The following ZNF605 variants were observed in gnomAD, a reference collection of about 807,000 sequenced individuals.
ZNF605 encodes the protein zinc finger protein 605.
A neutral mutation model predicts 7.9 loss-of-function variants in ZNF605; 9 were observed. The observed-to-expected ratio is 1.14, with a 90% CI of 0.68 to 1.98. The LOEUF (loss-of-function observed/expected upper bound fraction) is 1.98. Among genes scored for constraint, ZNF605 ranks in the 30% most tolerant of loss-of-function variants. ZNF605 has a pLI of 0.00. For missense variants in ZNF605, 673 were observed against 762.4 expected (o/e 0.88, Z 1.38); for synonymous variants, 255 against 260.1 (o/e 0.98, Z 0.19).
chr12:132,949,201 G>A (rs1952531575), intron 1 of ZNF605, among the ~76,000 whole-genome samples: 1 of 152,296 alleles, frequency 6.6e-6, no homozygotes, highest in South Asian at 2.1e-4. Flanking sequence ...ACACTCCTTT[G>A]AAGCACTGGA....
At chr12:132,939,097 G>A (rs1030310794) in intron 3 of ZNF605, among the ~76,000 whole-genome samples, 78 of 151,932 alleles carry the variant, frequency 5.1e-4, no homozygotes, top group African/African-American at 1.5e-3. Flanking sequence ...CCTGCTCCAC[G>A]GCGCCCAGTC....
intron 1 of ZNF605, among the ~76,000 whole-genome samples, chr12:132,951,629 C>T (rs1054733480): frequency 3.5e-4 from 44 of 124,502 alleles, no homozygotes; most frequent in Admixed American, 1.2e-3. Flanking sequence ...ATCACAGACA[C>T]GTACAGATAC....
chr12:132,926,734 T>C lies in ZNF605; in HGVS notation c.565A>G (p.Arg189Gly). ...NKKSQLVIHQRTHTGEKPYQC... is the reference protein window; with the variant it reads ...NKKSQLVIHQGTHTGEKPYQC... ...TAGGGCTTCTCTCCTGTATGAGTTC[T>C]CTGGTGTATAACAAGTTGTGACTTC... The change falls in exon 5 of 5, where the codon AGA becomes GGA. Residue 189 changes from arginine (R) to glycine (G), a missense_variant. Arg to Gly is a moderately radical substitution (Grantham distance 125). Transcript: ENST00000360187. The C allele has an allele frequency of 6.2e-7, 1 of 1,614,154 alleles. No individual in the cohort carries two copies.
intron 1 of ZNF605, among the ~76,000 whole-genome samples, chr12:132,950,429 G>A (rs1418094224): frequency 6.6e-5 from 10 of 151,200 alleles, no homozygotes; most frequent in Admixed American, 5.9e-4. Context: ...GTACAGACAC[G>A]CACATACGTG....
At position 132,925,139 on chromosome 12, in the gene ZNF605, A is replaced by G. The variant is rs1952233672; in HGVS notation, c.*234T>C. The G allele has an allele frequency of 2.4e-6, 1 of 410,304 alleles. No individual in the cohort carries two copies. The highest frequency in any genetic ancestry group is 7.3e-5 in the South Asian group (1 of 13,668). The allele number at this position is 410,304 out of a possible 1,614,324, so 25.4% of individuals were successfully genotyped here. A position where few individuals can be genotyped will look rare whatever the true frequency, so the allele number is the denominator to read the frequency against. ...CAACACTAATAAGGTTTTCACCTCA[A>G]TGAGTCATCCAATATGTAACGAGTA... On this transcript the variant is annotated 3_prime_UTR_variant, in exon 5 of 5. Transcript: ENST00000360187.
At chr12:132,935,316 C>T (rs1027290859) in intron 3 of ZNF605, among the ~76,000 whole-genome samples, 2 of 152,162 alleles carry the variant, frequency 1.3e-5, no homozygotes, top group African/African-American at 4.8e-5. Context: ...AAATCAATTT[C>T]TTGCCTCAAA....
chr12:132,955,243 A>G (rs2137173991), intron 1 of ZNF605, among the ~76,000 whole-genome samples: 1 of 152,286 alleles, frequency 6.6e-6, no homozygotes, highest in South Asian at 2.1e-4. Context: ...CAAGGTTAGC[A>G]AAGACCAGGC....
Position 132,945,811 on chromosome 12 carries a change from G to T in ZNF605, c.-162-14C>A. ...GAGGGCTATTGCCTGTGGATGCAGT[G>T]GACATTTTATTTTAGATGATCTAAT... On this transcript the variant is annotated splice_polypyrimidine_tract_variant and intron_variant, in intron 2 of 4. Coordinates refer to ENST00000360187, the MANE Select transcript of ZNF605 (RefSeq NM_183238.4). The T allele has an allele frequency of 1.2e-6, 1 of 849,786 alleles. No homozygotes were observed. Among genetic ancestry groups the T allele is most frequent in the Non-Finnish European group, 1.9e-6 (1 of 517,156 alleles). The allele number at this position is 849,786 out of a possible 1,614,324, so 52.6% of individuals were successfully genotyped here.
chr12:132,950,741 T>G (rs1034588614), intron 1 of ZNF605, among the ~76,000 whole-genome samples: 22 of 151,354 alleles, frequency 1.5e-4, no homozygotes, highest in African/African-American at 5.1e-4. Context: ...CACAGACATG[T>G]ACAGACATAC....
chr12:132,952,009 C>A (rs1328333526), intron 1 of ZNF605, among the ~76,000 whole-genome samples: 1 of 151,994 alleles, frequency 6.6e-6, no homozygotes, highest in Non-Finnish European at 1.5e-5. Flanking sequence ...CTCATTTACT[C>A]GCTACGAAAG....
chr12:132,925,476 T>C lies in ZNF605; in HGVS notation c.1823A>G (p.Gln608Arg). The change falls in exon 5 of 5, where the codon CAG becomes CGG. Residue 608 changes from glutamine to arginine, a missense_variant. Coordinates refer to ENST00000360187, the MANE Select transcript of ZNF605 (RefSeq NM_183238.4). ...FTRKSHLMRH[Q>R]RIHTGDKYYG... ...GTATTTATCTCCTGTATGAATCCTCTGATGCCTCATAAGGTGTGACTTTCT... is the reference window on the plus strand; with the variant it reads ...GTATTTATCTCCTGTATGAATCCTCCGATGCCTCATAAGGTGTGACTTTCT... 6.2e-7 allele frequency: 1 copy of C among 1,614,228 alleles called. No homozygotes were observed. The highest frequency in any genetic ancestry group is 1.1e-5 in the South Asian group (1 of 91,088).
intron 4 of ZNF605, among the ~76,000 whole-genome samples, chr12:132,932,268 G>A (rs1481321699): frequency 3.3e-5 from 5 of 152,050 alleles, no homozygotes; most frequent in Non-Finnish European, 7.4e-5. Context: ...TTTTCACTCT[G>A]TATCAGTGGG....
In ZNF605 at chr12:132,920,813, G is replaced by A. The variant is rs1291506200; in HGVS notation, c.*4560C>T. 1 of 152,168 alleles carries A rather than the reference G, an allele frequency of 6.6e-6. No homozygotes were observed. Among genetic ancestry groups the A allele is most frequent in the Non-Finnish European group, 1.5e-5 (1 of 68,086 alleles). 9.4% of individuals were successfully genotyped at this position (152,168 alleles called of 1,614,324 possible). A position where few individuals can be genotyped will look rare whatever the true frequency, so the allele number is the denominator to read the frequency against. ...AGCTTCCCAAGTAGCTGGGATTACA[G>A]ACATGCACCATCATGGCTAACTTTT... is the stretch of plus-strand genomic sequence containing the variant. On this transcript the variant is annotated 3_prime_UTR_variant, in exon 5 of 5. Transcript: ENST00000360187.
chr12:132,939,443 C>T (rs1593592172), intron 3 of ZNF605, among the ~76,000 whole-genome samples: 4 of 152,292 alleles, frequency 2.6e-5, no homozygotes, highest in African/African-American at 9.6e-5. Flanking sequence ...AATCAGCACC[C>T]TGTGTTTTGC....
chr12:132,945,945 G>T, intron 2 of ZNF605, 148 bp from the exon 3 acceptor site: 1 of 576,044 alleles, frequency 1.7e-6, no homozygotes, highest in Non-Finnish European at 3.1e-6. Flanking sequence ...GCGGGAAGCA[G>T]GGTGGAATGT....
In ZNF605 at chr12:132,925,241, CTT is replaced by C. The variant is rs3052642; in HGVS notation, c.*130_*131del. The C allele has an allele frequency of 0.2, 132,092 of 649,594 alleles. 13,938 individuals are homozygous for C. Among genetic ancestry groups the C allele is most frequent in the Middle Eastern group, 0.28 (1,066 of 3,860 alleles). The allele number at this position is 649,594 out of a possible 1,614,324, so 40.2% of individuals were successfully genotyped here. On this transcript the variant is annotated 3_prime_UTR_variant, in exon 5 of 5. Coordinates refer to ENST00000360187, the MANE Select transcript of ZNF605 (RefSeq NM_183238.4). ...TCTTTCTAAATTCTGCTTAGTGACTCTTGACTCCTCAATTCAAGCTTTTTCAA... is the reference window on the plus strand; with the variant it reads ...TCTTTCTAAATTCTGCTTAGTGACTCGACTCCTCAATTCAAGCTTTTTCAA...
At chr12:132,949,020 G>A (rs1346680068) in intron 1 of ZNF605, among the ~76,000 whole-genome samples, 1 of 152,004 alleles carries the variant, frequency 6.6e-6, no homozygotes, top group African/African-American at 2.4e-5. Flanking sequence ...GGTATCTGTT[G>A]GGGGAAAGGC....
chr12:132,925,277 G>T lies in ZNF605; in HGVS notation c.*96C>A. Reference sequence around the variant, plus strand: ...AATTCAAGCTTTTTCAACAGTCACTGCCTCAATAGGGTTTCTCTCCCACAT... The same window carrying T: ...AATTCAAGCTTTTTCAACAGTCACTTCCTCAATAGGGTTTCTCTCCCACAT... On this transcript the variant is annotated 3_prime_UTR_variant, in exon 5 of 5. Coordinates refer to ENST00000360187, the MANE Select transcript of ZNF605 (RefSeq NM_183238.4). 1.2e-6 allele frequency: 1 copy of T among 865,480 alleles called. No individual in the cohort carries two copies. Among genetic ancestry groups the T allele is most frequent in the Non-Finnish European group, 1.7e-6 (1 of 576,800 alleles). The allele number at this position is 865,480 out of a possible 1,614,324, so 53.6% of individuals were successfully genotyped here.
chr12:132,948,651 G>A (rs2137160056), intron 1 of ZNF605: 1 of 152,376 alleles, frequency 6.6e-6, no homozygotes, highest in East Asian at 1.9e-4. Context: ...AGCAATGACT[G>A]AAGTCTCCGC....
Sources: gnomAD v4.1 joint callset for allele counts (sites outside exome capture counted in the v4.1 genomes callset) on GRCh38, gnomAD v4.1.1 for gene constraint, MANE v1.5 for transcripts, NCBI Gene and HGNC (gene_info 2026-07-23, HGNC 2026-07-21) for gene names.